The following EYA2 variants were observed in gnomAD, a reference collection of about 807,000 sequenced individuals.
EYA2 encodes EYA transcriptional coactivator and phosphatase 2.
EYA2 carries 31 observed loss-of-function variants against 69.2 expected under a neutral mutation model. The observed-to-expected ratio is 0.45, with a 90% CI of 0.34 to 0.60. The LOEUF is 0.60. Ranked by LOEUF, EYA2 falls within the 20% of genes least tolerant of loss-of-function variation. The pLI is 0.02. For missense variants in EYA2, 622 were observed against 701.2 expected, an observed-to-expected ratio of 0.89 and a Z score of 1.28; for synonymous variants, 257 against 279.4, an observed-to-expected ratio of 0.92 and a Z score of 0.80.
At chr20:46,949,178 G>A (rs80183627) in intron 1 of EYA2, among the ~76,000 whole-genome samples, 300 of 152,320 alleles carry the variant, frequency 2.0e-3, no homozygotes, top group African/African-American at 6.9e-3. Context: ...ACCTACTCAA[G>A]TGCAAGGTCT....
At chr20:46,935,308 T>C (rs993594900) in intron 1 of EYA2, among the ~76,000 whole-genome samples, 1 of 152,246 alleles carries the variant, frequency 6.6e-6, no homozygotes, top group Admixed American at 6.5e-5. Context: ...GAATCCTTGC[T>C]GTCCCATGCA....
At chr20:46,948,804 C>T (rs1978628903) in intron 1 of EYA2, among the ~76,000 whole-genome samples, 1 of 152,220 alleles carries the variant, frequency 6.6e-6, no homozygotes, top group South Asian at 2.1e-4. Flanking sequence ...ATTATGTTCA[C>T]TTCTCTAAGA....
chr20:47,051,354 G>A lies in EYA2; in HGVS notation c.416-20831G>A, dbSNP rs905359630. Reference sequence around the variant, plus strand: ...CATTGGGAGGAAGAAGTAGGGGGGCGGATTTTTAGCTGGGTTAAGTCAAAT... The same window carrying A: ...CATTGGGAGGAAGAAGTAGGGGGGCAGATTTTTAGCTGGGTTAAGTCAAAT... On this transcript the variant is annotated intron_variant, in intron 5 of 15. Transcript: ENST00000327619. 3.3e-5 allele frequency among the ~76,000 whole-genome samples: 5 copies of A among 152,150 alleles called. No homozygotes were observed. In the South Asian group the frequency reaches 6.2e-4, roughly 19 times the overall value.
chr20:46,913,136 A>G (rs970639222), intron 1 of EYA2, among the ~76,000 whole-genome samples: 3 of 152,226 alleles, frequency 2.0e-5, no homozygotes, highest in Non-Finnish European at 4.4e-5. Context: ...CTTACAGCCC[A>G]ACAGTGATTT....
chr20:47,003,913 G>A (rs544288900), intron 3 of EYA2, among the ~76,000 whole-genome samples: 2 of 152,176 alleles, frequency 1.3e-5, no homozygotes, highest in African/African-American at 4.8e-5. Flanking sequence ...TAAACCAGGA[G>A]AGATAAGAGC....
At chr20:47,084,815 A>T (rs2031840317) in intron 7 of EYA2, among the ~76,000 whole-genome samples, 1 of 150,762 alleles carries the variant, frequency 6.6e-6, no homozygotes, top group South Asian at 2.1e-4. Flanking sequence ...ACTATGGAAA[A>T]TAATTCATCT....
chr20:46,953,097 A>G (rs913163056), intron 1 of EYA2, among the ~76,000 whole-genome samples: 1 of 152,248 alleles, frequency 6.6e-6, no homozygotes, highest in African/African-American at 2.4e-5. Flanking sequence ...TATTCCTAAT[A>G]TTAAAACTTG....
At chr20:47,041,089 G>A (rs890218045) in intron 5 of EYA2, among the ~76,000 whole-genome samples, 7 of 152,308 alleles carry the variant, frequency 4.6e-5, no homozygotes, top group Admixed American at 4.6e-4. Context: ...CAGCAGGTGG[G>A]TGCAGCCCCC....
In EYA2 at chr20:46,976,300, T is replaced by C. The variant is rs190370082; in HGVS notation, c.-10-13701T>C. Among the ~76,000 whole-genome samples, 1,114 of 152,236 alleles carry C rather than the reference T, an allele frequency of 7.3e-3. 11 individuals carry two copies. The highest frequency in any genetic ancestry group is 0.01 in the Middle Eastern group (3 of 294). ...GGGAGGATTGCTTGAGCCCAGGAGG[T>C]GGACACCAGGATTTTGCTAGGCAAC... is the stretch of plus-strand genomic sequence containing the variant. On this transcript the variant is annotated intron_variant, in intron 1 of 15. Coordinates refer to ENST00000327619, the MANE Select transcript of EYA2 (RefSeq NM_005244.5).
At chr20:46,902,838 G>T (rs570138219) in intron 1 of EYA2, among the ~76,000 whole-genome samples, 1 of 152,146 alleles carries the variant, frequency 6.6e-6, no homozygotes, top group African/African-American at 2.4e-5. Flanking sequence ...CCCTATAACC[G>T]CAGGGTTGAA....
At chr20:46,917,517 G>C (rs1425164828) in intron 1 of EYA2, among the ~76,000 whole-genome samples, 1 of 152,226 alleles carries the variant, frequency 6.6e-6, no homozygotes, top group East Asian at 1.9e-4. Flanking sequence ...ATTGCAAAAT[G>C]AGGAAAGCGA....
At chr20:46,938,807 G>C (rs142961778) in intron 1 of EYA2, among the ~76,000 whole-genome samples, 1 of 152,226 alleles carries the variant, frequency 6.6e-6, no homozygotes, top group East Asian at 1.9e-4. Context: ...CTACACGGGG[G>C]TGTGAAGACC....
intron 13 of EYA2, 93 bp from the exon 14 acceptor site, chr20:47,180,722 C>A: frequency 6.7e-7 from 1 of 1,499,152 alleles, no homozygotes; most frequent in Non-Finnish European, 9.1e-7. Flanking sequence ...CCAAGCCTAC[C>A]AGATTTCCCG....
chr20:47,075,737 G>A (rs2031491640), intron 7 of EYA2, among the ~76,000 whole-genome samples: 1 of 151,996 alleles, frequency 6.6e-6, no homozygotes, highest in Admixed American at 6.5e-5. Context: ...GGGTACACAT[G>A]CAGGTTTGTT....
chr20:46,985,245 C>G (rs1049345383), intron 1 of EYA2, among the ~76,000 whole-genome samples: 1 of 152,162 alleles, frequency 6.6e-6, no homozygotes, highest in Non-Finnish European at 1.5e-5. Flanking sequence ...CTCCCTTCCT[C>G]CAACAGATGC....
intron 9 of EYA2, among the ~76,000 whole-genome samples, chr20:47,139,273 A>G (rs540902438): frequency 1.2e-4 from 19 of 152,324 alleles, no homozygotes; most frequent in Admixed American, 2.0e-4. Flanking sequence ...TAAATTGTTA[A>G]TCCAAGAAAT....
intron 2 of EYA2, among the ~76,000 whole-genome samples, chr20:46,991,270 C>T (rs1160531858): frequency 6.6e-6 from 1 of 152,238 alleles, no homozygotes; most frequent in Admixed American, 6.5e-5. Context: ...CAGGAAAGGA[C>T]ATAGGCTGCT....
intron 9 of EYA2, among the ~76,000 whole-genome samples, chr20:47,098,343 A>G (rs2032314465): frequency 6.6e-6 from 1 of 152,232 alleles, no homozygotes; most frequent in Non-Finnish European, 1.5e-5. Context: ...CAAAGGGGCC[A>G]CAGTAGTAAG....
At chr20:47,013,708 G>A (rs1934842) in intron 4 of EYA2, among the ~76,000 whole-genome samples, 72,201 of 152,068 alleles carry the variant, frequency 0.47, 18,633 homozygotes, top group Non-Finnish European at 0.6. Context: ...AGGTCGGAGG[G>A]GTGGGCAGAG....
Sources: allele counts gnomAD v4.1 joint callset (sites outside exome capture counted in the v4.1 genomes callset), GRCh38; gene constraint gnomAD v4.1.1; transcripts MANE v1.5; gene names NCBI Gene and HGNC (gene_info 2026-07-23, HGNC 2026-07-21).